Variants in LIG1 observed in about 807,000 individuals in gnomAD.
The protein encoded by LIG1 is DNA ligase 1, also known as ligase I, DNA, ATP-dependent.
A neutral mutation model predicts 115.7 loss-of-function variants in LIG1; 70 were observed. That is an observed-to-expected ratio of 0.60 (90% CI 0.50 to 0.74). The LOEUF is 0.74. Ranked by LOEUF, LIG1 falls within the 30% of genes least tolerant of loss-of-function variation. The pLI is 0.00. For missense variants in LIG1, 1,115 were observed against 1,225.6 expected (o/e 0.91, Z 1.35); for synonymous variants, 487 against 495.3 (o/e 0.98, Z 0.22).
rs372836872 is a variant in LIG1, at chr19:48,161,386, G to A, written c.229C>T (p.Pro77Ser). Reference sequence around the variant, plus strand: ...TGGGGACCTACCTGGCCTTTAGCAGGGCTAAGGGCTTCATCCTCCTCTTCC... The same window carrying A: ...TGGGGACCTACCTGGCCTTTAGCAGAGCTAAGGGCTTCATCCTCCTCTTCC... ...EGEEEDEALS[P>S]AKGQKPALDC... Residue 77 changes from proline to serine, a missense_variant, in exon 4 of 28, where the codon CCT becomes TCT. Physicochemically the swap from Pro to Ser is moderately conservative, Grantham distance 74. Coordinates refer to ENST00000263274, the MANE Select transcript of LIG1 (RefSeq NM_000234.3). 9 of 1,613,966 alleles carry A rather than the reference G, an allele frequency of 5.6e-6. No homozygotes were observed. The highest frequency in any genetic ancestry group is 4.0e-5 in the African/African-American group (3 of 74,890).
At chr19:48,131,928 T>A (rs1430875876) in intron 18 of LIG1, among the ~76,000 whole-genome samples, 1 of 144,548 alleles carries the variant, frequency 6.9e-6, no homozygotes, top group African/African-American at 2.6e-5. Context: ...GTCTGTTGGA[T>A]CCACCCTTTT....
chr19:48,138,032 AG>A, intron 12 of LIG1: 1 of 416,134 alleles, frequency 2.4e-6, no homozygotes, highest in Non-Finnish European at 4.5e-6. Flanking sequence ...GAGTGTGGAC[AG>A]AGCAGAGAAG....
chr19:48,169,415 T>C (rs181318815), intron 1 of LIG1, among the ~76,000 whole-genome samples: 271 of 152,312 alleles, frequency 1.8e-3, no homozygotes, highest in Non-Finnish European at 3.2e-3. Flanking sequence ...CTACATAAGA[T>C]GTCACCATTA....
At chr19:48,169,124 T>C (rs942543994) in intron 1 of LIG1, among the ~76,000 whole-genome samples, 2 of 151,948 alleles carry the variant, frequency 1.3e-5, no homozygotes, top group Non-Finnish European at 2.9e-5. Context: ...CCTAATAATA[T>C]ATGATTCCAT....
chr19:48,123,386 G>C (rs1435020032), intron 21 of LIG1, 68 bp from the exon 22 acceptor site: 1 of 1,571,554 alleles, frequency 6.4e-7, no homozygotes, highest in Non-Finnish European at 8.7e-7. Context: ...AGCCCTAAAT[G>C]TGAGGCGAAC....
chr19:48,128,620 C>A (rs2033825031), intron 19 of LIG1, among the ~76,000 whole-genome samples: 1 of 152,242 alleles, frequency 6.6e-6, no homozygotes, highest in Non-Finnish European at 1.5e-5. Flanking sequence ...TTGCATGTGC[C>A]GTTCCCTCTA....
intron 14 of LIG1, among the ~76,000 whole-genome samples, chr19:48,136,464 A>G (rs187999): frequency 0.64 from 97,351 of 152,042 alleles, 32,693 homozygotes; most frequent in East Asian, 0.87. Flanking sequence ...TGGTGACTGT[A>G]ATGGTCAGGA....
At chr19:48,165,805 TA>T (rs2036451184) in intron 1 of LIG1, 182 bp from the exon 2 acceptor site, 5 of 633,680 alleles carry the variant, frequency 7.9e-6, no homozygotes. Context: ...TGGTGCAGAA[TA>T]AAAGCTCCAA....
rs1355758505 is a variant in LIG1 at position 48,161,402 on chromosome 19, C to G, written c.213G>C (p.Glu71Asp). ...CTTTAGCAGGGCTAAGGGCTTCATC[C>G]TCCTCTTCCCCTTCGCTGCCCAGGA... ...ARVLGSEGEEEDEALSPAKGQ... is the reference protein window; with the variant it reads ...ARVLGSEGEEDDEALSPAKGQ... The change falls in exon 4 of 28, where the codon GAG (glutamate) becomes GAC (aspartate). Residue 71 changes from glutamate (E) to aspartate (D), a missense_variant. Coordinates refer to ENST00000263274, the MANE Select transcript of LIG1 (RefSeq NM_000234.3). The G allele has an allele frequency of 6.2e-7, 1 of 1,614,146 alleles. No homozygotes were observed. Among genetic ancestry groups the G allele is most frequent in the Admixed American group, 1.7e-5 (1 of 60,018 alleles).
At position 48,115,662 on chromosome 19, in the gene LIG1, T is replaced by C; in HGVS notation, c.2747A>G (p.Glu916Gly). 2 of 1,613,746 alleles carry C rather than the reference T, an allele frequency of 1.2e-6. No homozygotes were observed. The highest frequency in any genetic ancestry group is 8.5e-7 in the Non-Finnish European group (1 of 1,179,600). Residue 916 changes from glutamate (E) to glycine (G), a missense_variant, in exon 28 of 28, where the codon GAA (glutamate) becomes GGA (glycine). Transcript: ENST00000263274. Reference protein sequence around the residue: ...QQGEDSGSDPEDTY With the variant: ...QQGEDSGSDPGDTY ...GAGGGCGAGGGCTTAGTAGGTATCTTCAGGGTCAGAGCCTGAGTCCTCGCC... is the reference window on the plus strand; with the variant it reads ...GAGGGCGAGGGCTTAGTAGGTATCTCCAGGGTCAGAGCCTGAGTCCTCGCC...
chr19:48,123,560 G>A, intron 21 of LIG1: 1 of 575,290 alleles, frequency 1.7e-6, no homozygotes, highest in East Asian at 2.9e-5. Context: ...TCAGACGGGG[G>A]GCTGCGGCCT....
In LIG1 at chr19:48,157,136, G is replaced by A; in HGVS notation, c.248C>T (p.Pro83Leu). ...EALSPAKGQK[P>L]ALDCSQVSPP... is the part of the protein sequence containing the mutation. ...GGAGACCTGTGAGCAGTCCAGGGCA[G>A]GCTTCTGGAAGAGGAAAGAACAGTT... Residue 83 changes from proline to leucine, a missense_variant, in exon 5 of 28, where the codon CCT (proline) becomes CTT (leucine). By Grantham distance (98) the Pro-to-Leu change is moderately conservative. Transcript: ENST00000263274. The A allele has an allele frequency of 6.2e-7, 1 of 1,609,376 alleles. No individual in the cohort carries two copies. The highest frequency in any genetic ancestry group is 2.2e-5 in the East Asian group (1 of 44,732).
chr19:48,141,574 C>T (rs1261900948), intron 11 of LIG1, among the ~76,000 whole-genome samples: 1 of 152,326 alleles, frequency 6.6e-6, no homozygotes, highest in Non-Finnish European at 1.5e-5. Context: ...AAGTATGAAG[C>T]TGAGATGTAC....
chr19:48,116,023 T>G, intron 26 of LIG1, 58 bp from the exon 27 acceptor site: 1 of 1,210,122 alleles, frequency 8.3e-7, no homozygotes, highest in Non-Finnish European at 1.2e-6. Context: ...CTGCTCAGTC[T>G]CCTCCCTCCT....
At chr19:48,167,425 T>C (rs746636157) in intron 1 of LIG1, among the ~76,000 whole-genome samples, 11 of 152,114 alleles carry the variant, frequency 7.2e-5, no homozygotes, top group Non-Finnish European at 1.5e-4. Context: ...TTTCGTTTTC[T>C]GGAATCAGTA....
intron 16 of LIG1, among the ~76,000 whole-genome samples, chr19:48,134,362 G>A (rs2122583681): frequency 6.6e-6 from 1 of 152,322 alleles, no homozygotes; most frequent in South Asian, 2.1e-4. Flanking sequence ...TTAAAAAAAG[G>A]TTTTTGGCCG....
chr19:48,162,132 A>C, intron 3 of LIG1, 130 bp downstream of exon 3: 1 of 793,076 alleles, frequency 1.3e-6, no homozygotes, highest in South Asian at 1.4e-5. Flanking sequence ...TTGCTCTTGG[A>C]CTTCTGGCCA....
At position 48,150,127 on chromosome 19, in the gene LIG1, G is replaced by C. The variant is rs1376714735; in HGVS notation, c.658C>G (p.Pro220Ala). ...ELQEEEEQTK[P>A]PRRAPKTLSS... is the part of the protein sequence containing the mutation. ...AGCGTCTTGGGAGCTCTGCGGGGAG[G>C]CTTGGTCTGCTCTTCCTCCTCCTGC... The change falls in exon 8 of 28, where the codon CCT becomes GCT. Residue 220 changes from proline (P) to alanine (A), a missense_variant. By Grantham distance (27) the Pro-to-Ala change is conservative. Coordinates refer to ENST00000263274, the MANE Select transcript of LIG1 (RefSeq NM_000234.3). 6.2e-7 allele frequency: 1 copy of C among 1,614,178 alleles called. No homozygotes were observed. The highest frequency in any genetic ancestry group is 1.1e-5 in the South Asian group (1 of 91,076).
intron 1 of LIG1, among the ~76,000 whole-genome samples, chr19:48,168,479 G>A (rs1890845746): frequency 6.6e-6 from 1 of 152,168 alleles, no homozygotes; most frequent in South Asian, 2.1e-4. Flanking sequence ...GGAACAAACT[G>A]GTTGATGCCT....
Sources: allele counts gnomAD v4.1 joint callset (sites outside exome capture counted in the v4.1 genomes callset), GRCh38; gene constraint gnomAD v4.1.1; transcripts MANE v1.5; gene names NCBI Gene and HGNC (gene_info 2026-07-23, HGNC 2026-07-21).